Variants in ANK3 observed in about 807,000 individuals in gnomAD.
The protein encoded by ANK3 is ankyrin 3.
ANK3 carries 57 observed loss-of-function variants against 370.9 expected under a neutral mutation model. The ratio of observed to expected loss-of-function variants is 0.15; its 90% confidence interval spans 0.12 to 0.19. The LOEUF (loss-of-function observed/expected upper bound fraction) is 0.19, where lower values mean the gene tolerates loss of function less well. Among genes scored for constraint, ANK3 ranks in the 10% least tolerant of loss-of-function variants. ANK3 has a pLI of 1.00. For missense variants in ANK3, 4,439 were observed against 5,302.1 expected (o/e 0.84, Z 5.06); for synonymous variants, 1,929 against 1,946.3 (o/e 0.99, Z 0.23).
At chr10:60,132,542 C>G (rs1001322945) in intron 25 of ANK3, among the ~76,000 whole-genome samples, 3 of 152,096 alleles carry the variant, frequency 2.0e-5, no homozygotes, top group Non-Finnish European at 2.9e-5. Flanking sequence ...AATTAAACCT[C>G]TTTTCTTTAT....
intron 2 of ANK3, among the ~76,000 whole-genome samples, chr10:60,561,961 C>G (rs1018286436): frequency 1.3e-5 from 2 of 152,218 alleles, no homozygotes; most frequent in Non-Finnish European, 2.9e-5. Context: ...ATTAGTTATG[C>G]ACTGTGTATG....
At chr10:60,719,341 T>A (rs953659455) in intron 1 of ANK3, among the ~76,000 whole-genome samples, 9 of 152,108 alleles carry the variant, frequency 5.9e-5, no homozygotes, top group African/African-American at 2.2e-4. Context: ...CATATTAATA[T>A]TTTCATTTCT....
At chr10:60,196,114 C>A (rs1204675457) in intron 16 of ANK3, 31 bp downstream of exon 16, 1 of 1,585,238 alleles carries the variant, frequency 6.3e-7, no homozygotes. Context: ...CCTTACCCAT[C>A]AGTCTCCTTA....
At chr10:60,581,308 C>T (rs568217025) in intron 2 of ANK3, among the ~76,000 whole-genome samples, 5 of 151,896 alleles carry the variant, frequency 3.3e-5, no homozygotes, top group Non-Finnish European at 4.4e-5. Context: ...ATATAAAGGT[C>T]GTTCATAATG....
At chr10:60,603,079 G>A (rs2078086120) in intron 2 of ANK3, among the ~76,000 whole-genome samples, 1 of 152,098 alleles carries the variant, frequency 6.6e-6, no homozygotes, top group African/African-American at 2.4e-5. Flanking sequence ...CTCAGCAAAT[G>A]CTTGTGTCTT....
intron 2 of ANK3, among the ~76,000 whole-genome samples, chr10:60,593,061 T>G (rs1284370388): frequency 6.6e-6 from 1 of 152,230 alleles, no homozygotes; most frequent in Non-Finnish European, 1.5e-5. Context: ...TCAAGAGGCA[T>G]GAATGACCCC....
chr10:60,691,653 G>A (rs1295640421), intron 1 of ANK3, among the ~76,000 whole-genome samples: 1 of 152,106 alleles, frequency 6.6e-6, no homozygotes, highest in African/African-American at 2.4e-5. Context: ...ATATATGTCT[G>A]GATCCTTGAC....
chr10:60,245,119 A>G (rs2097533959), intron 7 of ANK3, among the ~76,000 whole-genome samples: 1 of 152,150 alleles, frequency 6.6e-6, no homozygotes, highest in East Asian at 1.9e-4. Context: ...CAGTGAGCCG[A>G]GATTGCGCCA....
intron 28 of ANK3, among the ~76,000 whole-genome samples, chr10:60,092,958 A>C (rs10994192): frequency 0.2 from 30,275 of 152,100 alleles, 3,669 homozygotes; most frequent in East Asian, 0.6. Flanking sequence ...CTGGTCTCGA[A>C]CTCCTGACCT....
chr10:60,390,768 AC>A (rs1370808752), upstream of ANK3, among the ~76,000 whole-genome samples: 7 of 25,332 alleles, frequency 2.8e-4, no homozygotes, highest in African/African-American at 7.6e-4. Flanking sequence ...ACACACACAA[AC>A]AACAATTTCA....
intron 18 of ANK3, among the ~76,000 whole-genome samples, chr10:60,176,199 A>C (rs4623847): frequency 0.024 from 3,642 of 148,670 alleles, 124 homozygotes; most frequent in East Asian, 0.072. Flanking sequence ...AAAAAAACAA[A>C]AAAAAACAAA....
At chr10:60,339,817 C>A (rs1057392179) in intron 1 of ANK3, among the ~76,000 whole-genome samples, 1 of 152,148 alleles carries the variant, frequency 6.6e-6, no homozygotes, top group Non-Finnish European at 1.5e-5. Context: ...GCAGCAGTAG[C>A]GGTACTAACT....
intron 2 of ANK3, among the ~76,000 whole-genome samples, chr10:60,552,357 C>T (rs185679799): frequency 1.3e-3 from 205 of 152,238 alleles, no homozygotes; most frequent in Non-Finnish European, 2.3e-3. Context: ...TTTAAATATC[C>T]ATGTCTCAGA....
intron 7 of ANK3, among the ~76,000 whole-genome samples, chr10:60,239,087 T>A (rs1206809636): frequency 6.6e-6 from 1 of 151,980 alleles, no homozygotes; most frequent in Non-Finnish European, 1.5e-5. Flanking sequence ...TTTAAGTTAT[T>A]TAAAATAAAA....
intron 7 of ANK3, among the ~76,000 whole-genome samples, chr10:60,260,183 TG>T (rs1027894671): frequency 3.3e-5 from 5 of 152,188 alleles, no homozygotes; most frequent in African/African-American, 9.7e-5. Flanking sequence ...TTAAGAGCTT[TG>T]GGGCTGAAAT....
At chr10:60,664,883 G>A (rs1331407865) in intron 1 of ANK3, among the ~76,000 whole-genome samples, 2 of 152,220 alleles carry the variant, frequency 1.3e-5, no homozygotes, top group Admixed American at 6.5e-5. Flanking sequence ...GGAGTAAAAT[G>A]TGAGGGATTT....
chr10:60,661,575 T>C (rs771173414), intron 1 of ANK3, among the ~76,000 whole-genome samples: 77 of 152,292 alleles, frequency 5.1e-4, no homozygotes, highest in Non-Finnish European at 7.1e-4. Context: ...TCCAGGAAGA[T>C]TCCACTAACT....
intron 2 of ANK3, among the ~76,000 whole-genome samples, chr10:60,613,200 C>A (rs565016412): frequency 8.5e-5 from 13 of 152,122 alleles, no homozygotes; most frequent in African/African-American, 2.9e-4. Flanking sequence ...ATATAAATTT[C>A]TAAAACATAG....
intron 2 of ANK3, among the ~76,000 whole-genome samples, chr10:60,483,462 A>T (rs1312626881): frequency 1.3e-5 from 2 of 152,008 alleles, no homozygotes; most frequent in Non-Finnish European, 2.9e-5. Flanking sequence ...CTTGCCGCCC[A>T]TTTTCTTCTT....
Sources: gnomAD v4.1 joint callset for allele counts (sites outside exome capture counted in the v4.1 genomes callset) on GRCh38, gnomAD v4.1.1 for gene constraint, MANE v1.5 for transcripts, NCBI Gene and HGNC (gene_info 2026-07-23, HGNC 2026-07-21) for gene names.